Variants in COQ8A observed in about 807,000 individuals in gnomAD.
The protein encoded by COQ8A is atypical kinase COQ8A, mitochondrial.
COQ8A carries 51 observed loss-of-function variants against 65.0 expected under a neutral mutation model. The observed-to-expected ratio is 0.78, with a 90% CI of 0.63 to 0.99. The LOEUF (loss-of-function observed/expected upper bound fraction) is 0.99, where lower values mean the gene tolerates loss of function less well. COQ8A is among the 50% of genes least tolerant of loss of function. COQ8A has a pLI of 0.00. For synonymous variants in COQ8A, 371 were observed against 353.2 expected (o/e 1.05, Z -0.57); for missense variants, 940 against 875.0 (o/e 1.07, Z -0.94).
intron 14 of COQ8A, among the ~76,000 whole-genome samples, chr1:226,986,165 C>T (rs746821658): frequency 1.4e-4 from 22 of 152,056 alleles, no homozygotes; most frequent in Non-Finnish European, 2.6e-4. Flanking sequence ...TCTTTTTGGC[C>T]AGAACAGTGT....
intron 4 of COQ8A, among the ~76,000 whole-genome samples, chr1:226,968,333 T>C (rs564482380): frequency 2.0e-5 from 3 of 152,238 alleles, no homozygotes; most frequent in East Asian, 3.9e-4. Flanking sequence ...AGACTCTGTC[T>C]CAAAAAACAA....
intron 1 of COQ8A, 101 bp from the exon 2 acceptor site, chr1:226,961,276 G>A (rs1658238016): frequency 7.7e-7 from 1 of 1,305,406 alleles, no homozygotes. Context: ...GGAAAAACCA[G>A]CCCTCTGGAC....
Position 226,987,231 on chromosome 1 carries a change from T to TAAC in COQ8A, c.*496_*498dup, listed in dbSNP as rs1188509468. On this transcript the variant is annotated 3_prime_UTR_variant, in exon 15 of 15. Coordinates refer to ENST00000366777, the MANE Select transcript of COQ8A (RefSeq NM_020247.5). ...GCTGGAGCTGGGAGAGGTGCTGAGC[T>TAAC]AACAGTGCCAACAAGTGCTCCTTAA... The TAAC allele has an allele frequency of 5.5e-6, 1 of 180,626 alleles. No homozygotes were observed. The highest frequency in any genetic ancestry group is 2.4e-5 in the African/African-American group (1 of 41,934). 11.2% of individuals were successfully genotyped at this position (180,626 alleles called of 1,614,324 possible). A position where few individuals can be genotyped will look rare whatever the true frequency, so the allele number is the denominator to read the frequency against.
At chr1:226,980,788 G>A (rs973416687) in intron 5 of COQ8A, among the ~76,000 whole-genome samples, 6 of 152,228 alleles carry the variant, frequency 3.9e-5, no homozygotes, top group Admixed American at 1.3e-4. Context: ...GCATGTGTGG[G>A]CAGATGCGGG....
In COQ8A at chr1:226,984,523, C is replaced by G. The variant is rs373577765; in HGVS notation, c.1399-25C>G. The G allele has an allele frequency of 1.9e-6, 3 of 1,589,050 alleles. No homozygotes were observed. In the African/African-American group the frequency reaches 4.0e-5, roughly 21 times the overall value. On this transcript the variant is annotated intron_variant, in intron 11 of 14. Transcript: ENST00000366777. ...CACCAGGCAGTGTGGTGCTGCCTGACACAGACCCTTCGCGCTGTCCACAGA... is the reference window on the plus strand; with the variant it reads ...CACCAGGCAGTGTGGTGCTGCCTGAGACAGACCCTTCGCGCTGTCCACAGA...
At chr1:226,973,789 G>C (rs1362213584) in intron 4 of COQ8A, among the ~76,000 whole-genome samples, 1 of 152,178 alleles carries the variant, frequency 6.6e-6, no homozygotes, top group Non-Finnish European at 1.5e-5. Flanking sequence ...TTTTCTGTGG[G>C]GATTTCTTGT....
At chr1:226,971,918 C>G (rs904432516) in intron 4 of COQ8A, among the ~76,000 whole-genome samples, 1 of 152,190 alleles carries the variant, frequency 6.6e-6, no homozygotes, top group Admixed American at 6.5e-5. Context: ...ATCATTTCTT[C>G]AAATACTGTA....
intron 8 of COQ8A, 195 bp from the exon 9 acceptor site, chr1:226,983,357 C>A: frequency 1.5e-6 from 1 of 680,768 alleles, no homozygotes; most frequent in Non-Finnish European, 2.6e-6. Context: ...TGAGGTGAGG[C>A]AGGAGTAGGT....
rs370113977 is a variant in COQ8A, at chr1:226,982,658, G to A, written c.854-20G>A. ...ACTTTAATCCCCAGGTTCGCCCTGT[G>A]TCATTCTCCTGCCTTCCAGATGATG... On this transcript the variant is annotated intron_variant, in intron 6 of 14. Transcript: ENST00000366777. 6.2e-7 allele frequency: 1 copy of A among 1,612,150 alleles called. No homozygotes were observed. Among genetic ancestry groups the A allele is most frequent in the African/African-American group, 1.3e-5 (1 of 74,870 alleles).
intron 4 of COQ8A, 151 bp downstream of exon 4, chr1:226,965,888 C>G: frequency 2.5e-6 from 2 of 804,530 alleles, no homozygotes; most frequent in Non-Finnish European, 4.1e-6. Flanking sequence ...TTTTGGGGAG[C>G]TGGAGTTTTT....
In COQ8A at chr1:226,986,834, C is replaced by T. The variant is rs1013871289; in HGVS notation, c.*97C>T. On this transcript the variant is annotated 3_prime_UTR_variant, in exon 15 of 15. Coordinates refer to ENST00000366777, the MANE Select transcript of COQ8A (RefSeq NM_020247.5). ...GTCGTGGTGATGCTCTTTTTAACTC[C>T]TTTGCCCAATAAGGGGGGTGGCTGC... The T allele has an allele frequency of 1.8e-5, 26 of 1,469,756 alleles. No homozygotes were observed. The Middle Eastern group carries it at 6.8e-4, about 38-fold the overall frequency. The allele number at this position is 1,469,756 out of a possible 1,614,324, so 91.0% of individuals were successfully genotyped here. A position where few individuals can be genotyped will look rare whatever the true frequency, so the allele number is the denominator to read the frequency against.
chr1:226,965,749 GT>G lies in COQ8A; in HGVS notation c.655+13del. On this transcript the variant is annotated intron_variant, in intron 4 of 14. Transcript: ENST00000366777. ...GGCCAACTTCGGAGGTAAGGTGGCT[GT>G]GTGCCCCTGGACTGCCTCACCTGCC... The G allele has an allele frequency of 6.2e-7, 1 of 1,613,076 alleles. No individual in the cohort carries two copies. Among genetic ancestry groups the G allele is most frequent in the Non-Finnish European group, 8.5e-7 (1 of 1,179,832 alleles).
chr1:226,956,225 C>A (rs1254759140), intron 1 of COQ8A, among the ~76,000 whole-genome samples: 23 of 113,256 alleles, frequency 2.0e-4, no homozygotes, highest in Admixed American at 3.9e-4. Flanking sequence ...CTGGCTGCCA[C>A]TCCCTGGTTC....
At chr1:226,967,297 G>A (rs1198464386) in intron 4 of COQ8A, among the ~76,000 whole-genome samples, 1 of 152,080 alleles carries the variant, frequency 6.6e-6, no homozygotes, top group African/African-American at 2.4e-5. Context: ...TGATATTGAG[G>A]GCAGGAGCTA....
chr1:226,950,870 A>G (rs554691192), intron 1 of COQ8A, among the ~76,000 whole-genome samples: 11 of 152,172 alleles, frequency 7.2e-5, no homozygotes, highest in African/African-American at 2.4e-4. Context: ...TCAAAGAAAA[A>G]CCCCAGTAGT....
Position 226,961,469 on chromosome 1 carries a change from G to A in COQ8A, c.84G>A (p.Gln28=). The change falls in exon 2 of 15, where the codon CAG becomes CAA. Residue 28 remains glutamine (Q), a synonymous_variant. Transcript: ENST00000366777. ...AGGCGGCCGTGGAAACCCACCTGCA[G>A]CACTTGGGCATCGGAGGGGAGCTGA... is the stretch of plus-strand genomic sequence containing the variant. The part of the protein sequence containing the change: ...LTQAAVETHL[Q]HLGIGGELIM... 6.2e-7 allele frequency: 1 copy of A among 1,613,882 alleles called. No individual in the cohort carries two copies. The highest frequency in any genetic ancestry group is 8.5e-7 in the Non-Finnish European group (1 of 1,179,992).
rs866489971 is a variant in COQ8A, at chr1:226,965,677, G to A, written c.595G>A (p.Glu199Lys). The A allele has an allele frequency of 9.3e-6, 15 of 1,613,966 alleles. No individual in the cohort carries two copies. Among genetic ancestry groups the A allele is most frequent in the African/African-American group, 5.3e-5 (4 of 74,952 alleles). Reference sequence around the variant, plus strand: ...CTTTCTCGTCTCCCTCCAGCTCAGCGAGCATGCCCGGGAGCGGAAGGTGCC... The same window carrying A: ...CTTTCTCGTCTCCCTCCAGCTCAGCAAGCATGCCCGGGAGCGGAAGGTGCC... Reference protein sequence around the residue: ...ENKQHKQTLSEHARERKVPVT... With the variant: ...ENKQHKQTLSKHARERKVPVT... Residue 199 changes from glutamate (E) to lysine (K), a missense_variant, in exon 4 of 15, where the codon GAG becomes AAG. Glu to Lys is a moderately conservative substitution (Grantham distance 56, BLOSUM62 1). Transcript: ENST00000366777.
At chr1:226,967,199 T>C (rs1466932540) in intron 4 of COQ8A, among the ~76,000 whole-genome samples, 1 of 152,252 alleles carries the variant, frequency 6.6e-6, no homozygotes, top group Non-Finnish European at 1.5e-5. Context: ...AGACTTGGCA[T>C]GTTACTTGCT....
At chr1:226,951,171 C>T (rs537898204) in intron 1 of COQ8A, among the ~76,000 whole-genome samples, 1 of 152,192 alleles carries the variant, frequency 6.6e-6, no homozygotes, top group African/African-American at 2.4e-5. Flanking sequence ...CCTGACCACC[C>T]CCTGACCCCA....
Sources: gnomAD v4.1 joint callset for allele counts (sites outside exome capture counted in the v4.1 genomes callset) on GRCh38, gnomAD v4.1.1 for gene constraint, MANE v1.5 for transcripts, NCBI Gene and HGNC (gene_info 2026-07-23, HGNC 2026-07-21) for gene names.